Variants in THTPA observed in about 807,000 individuals in gnomAD.
The protein encoded by THTPA is thiamine-triphosphatase.
In THTPA, 16 loss-of-function variants were observed where a neutral mutation model predicts 16.5. That is an observed-to-expected ratio of 0.97 (90% CI 0.66 to 1.47). The LOEUF is 1.47. THTPA is among the 40% of genes most tolerant of loss of function. THTPA has a pLI of 0.00. For synonymous variants in THTPA, 110 were observed against 115.5 expected, an observed-to-expected ratio of 0.95 and a Z score of 0.30; for missense variants, 281 against 280.9, an observed-to-expected ratio of 1.00 and a Z score of 0.00.
the THTPA span, among the ~76,000 whole-genome samples, chr14:23,550,482 T>C: frequency 8.6e-5 from 13 of 151,874 alleles, no homozygotes; most frequent in Non-Finnish European, 1.8e-4. Flanking sequence ...ATCACTCAGA[T>C]GGGAAGGGTC....
At chr14:23,524,891 T>C in the THTPA span, 1 of 1,536,274 alleles carries the variant, frequency 6.5e-7, no homozygotes, top group Non-Finnish European at 8.7e-7. The surrounding 1 kb of genome is among the most constrained non-coding windows in gnomAD (Gnocchi z 5.6). Flanking sequence ...GCGCACCAAC[T>C]CAAAAACACA....
chr14:23,520,672 A>G, the THTPA span, among the ~76,000 whole-genome samples: 3 of 151,928 alleles, frequency 2.0e-5, no homozygotes, highest in Admixed American at 6.5e-5. This position sits in a 1 kb window ranked among gnomAD's most constrained non-coding sequence, Gnocchi z 8.7. Flanking sequence ...CCCACCTTGG[A>G]GGCTGCGCAT....
chr14:23,515,842 G>A, the THTPA span, among the ~76,000 whole-genome samples: 89 of 152,278 alleles, frequency 5.8e-4, no homozygotes, highest in African/African-American at 2.1e-3. Context: ...CCACAGCAGA[G>A]GAGAAAGCAG....
At chr14:23,557,604 G>A (rs73589284) in intron 1 of THTPA, among the ~76,000 whole-genome samples, 4,933 of 152,172 alleles carry the variant, frequency 0.032, 285 homozygotes, top group African/African-American at 0.11. Flanking sequence ...GTGAAATCTC[G>A]TTTTCTCTTT....
At chr14:23,552,280 G>C (rs1046272558), upstream of THTPA, among the ~76,000 whole-genome samples, 4 of 149,972 alleles carry the variant, frequency 2.7e-5, no homozygotes, top group Non-Finnish European at 4.4e-5. Flanking sequence ...CTTATTAAGT[G>C]CTCCTGAATT....
Position 23,560,141 on chromosome 14 carries a change from C to T in THTPA, c.*1301C>T. The T allele has an allele frequency of 1.4e-6, 2 of 1,462,262 alleles. No individual in the cohort carries two copies. Among genetic ancestry groups the T allele is most frequent in the Admixed American group, 1.9e-5 (1 of 53,706 alleles). 90.6% of individuals were successfully genotyped at this position (1,462,262 alleles called of 1,614,324 possible). A position where few individuals can be genotyped will look rare whatever the true frequency, so the allele number is the denominator to read the frequency against. On this transcript the variant is annotated 3_prime_UTR_variant, in exon 2 of 2. Coordinates refer to ENST00000288014, the MANE Select transcript of THTPA (RefSeq NM_024328.6). ...CCCTTTTCCTGTAACTCCCCAAGTGCTGATCTCCAGATGACTCAATCCCAT... is the reference window on the plus strand; with the variant it reads ...CCCTTTTCCTGTAACTCCCCAAGTGTTGATCTCCAGATGACTCAATCCCAT...
chr14:23,548,079 C>G, the THTPA span, among the ~76,000 whole-genome samples: 1 of 152,212 alleles, frequency 6.6e-6, no homozygotes, highest in South Asian at 2.1e-4. Context: ...CCTCTGCATT[C>G]TAGCTTTAGT....
the THTPA span, chr14:23,522,215 C>T: frequency 1.1e-5 from 17 of 1,478,416 alleles, no homozygotes; most frequent in African/African-American, 5.6e-5. Context: ...GATGGGCACC[C>T]GCAATGGGGG....
Position 23,560,100 on chromosome 14 carries a change from A to G in THTPA, c.*1260A>G. 2 of 1,417,646 alleles carry G rather than the reference A, an allele frequency of 1.4e-6. No individual in the cohort carries two copies. The allele number at this position is 1,417,646 out of a possible 1,614,324, so 87.8% of individuals were successfully genotyped here. ...GGTAGGGCTCAGGCAGCCCCTCTAT[A>G]CTCAGTGGCTCCACACCCTTTTCCT... On this transcript the variant is annotated 3_prime_UTR_variant, in exon 2 of 2. Transcript: ENST00000288014.
the THTPA span, chr14:23,535,220 G>T: frequency 6.6e-7 from 1 of 1,526,038 alleles, no homozygotes; most frequent in African/African-American, 1.4e-5. The surrounding 1 kb of genome is among the most constrained non-coding windows in gnomAD (Gnocchi z 4.5). Context: ...TTGGTGACAG[G>T]ATCAGAGGGG....
At chr14:23,534,513 C>G in the THTPA span, 2 of 1,536,188 alleles carry the variant, frequency 1.3e-6, no homozygotes, top group Admixed American at 3.9e-5. This position sits in a 1 kb window ranked among gnomAD's most constrained non-coding sequence, Gnocchi z 4.5. Flanking sequence ...GGCTACCTGA[C>G]AGGCCCTGAT....
the THTPA span, chr14:23,523,376 T>C: frequency 6.7e-7 from 1 of 1,491,430 alleles, no homozygotes; most frequent in Non-Finnish European, 8.9e-7. This position sits in a 1 kb window ranked among gnomAD's most constrained non-coding sequence, Gnocchi z 4.1. Flanking sequence ...GGCCAAGTCG[T>C]AGCACTTGCT....
the THTPA span, chr14:23,531,451 G>A: frequency 2.2e-6 from 3 of 1,373,210 alleles, no homozygotes; most frequent in South Asian, 1.7e-5. Context: ...TCCCTGCCCA[G>A]CTCTTATTCT....
Position 23,556,493 on chromosome 14 carries a change from T to C in THTPA, c.-265T>C. On this transcript the variant is annotated 5_prime_UTR_variant, in exon 1 of 2. Coordinates refer to ENST00000288014, the MANE Select transcript of THTPA (RefSeq NM_024328.6). ...CCCGGCCTGCTTTCTAGGGGTCTCTTTGGATTGAGGACATCAGCAGCAGTG... is the reference window on the plus strand; with the variant it reads ...CCCGGCCTGCTTTCTAGGGGTCTCTCTGGATTGAGGACATCAGCAGCAGTG... 8.5e-6 allele frequency: 4 copies of C among 471,118 alleles called. No homozygotes were observed. The highest frequency in any genetic ancestry group is 5.7e-4 in the Middle Eastern group (1 of 1,740). The allele number at this position is 471,118 out of a possible 1,614,324, so 29.2% of individuals were successfully genotyped here. A position where few individuals can be genotyped will look rare whatever the true frequency, so the allele number is the denominator to read the frequency against.
Position 23,556,618 on chromosome 14 carries a change from G to A in THTPA, c.-140G>A, listed in dbSNP as rs1251485489. On this transcript the variant is annotated 5_prime_UTR_variant, in exon 1 of 2. Transcript: ENST00000288014. ...TAGAGAGAAAAGGGCAGTAGCCCTA[G>A]AGACTATTGCGACACAGTGTGCCCC... 5 of 846,992 alleles carry A rather than the reference G, an allele frequency of 5.9e-6. No individual in the cohort carries two copies. The highest frequency in any genetic ancestry group is 5.3e-5 in the East Asian group (2 of 37,436). The allele number at this position is 846,992 out of a possible 1,614,324, so 52.5% of individuals were successfully genotyped here.
chr14:23,534,746 C>T, the THTPA span: 5 of 1,536,034 alleles, frequency 3.3e-6, no homozygotes, highest in Non-Finnish European at 4.4e-6. This position sits in a 1 kb window ranked among gnomAD's most constrained non-coding sequence, Gnocchi z 4.5. Context: ...GGAGATGGTG[C>T]TGAGGTATCA....
At chr14:23,516,895 T>C in the THTPA span, among the ~76,000 whole-genome samples, 1 of 152,214 alleles carries the variant, frequency 6.6e-6, no homozygotes, top group Non-Finnish European at 1.5e-5. Flanking sequence ...GGGGCAGTGC[T>C]GAGCCCCTGC....
chr14:23,533,210 T>C, the THTPA span: 1 of 1,435,748 alleles, frequency 7.0e-7, no homozygotes, highest in Non-Finnish European at 9.1e-7. This position sits in a 1 kb window ranked among gnomAD's most constrained non-coding sequence, Gnocchi z 4.8. Context: ...AGTGGGGAGT[T>C]GGTCCTTGGG....
the THTPA span, chr14:23,523,660 C>T: frequency 1.3e-6 from 2 of 1,544,472 alleles, no homozygotes; most frequent in East Asian, 4.8e-5. This position sits in a 1 kb window ranked among gnomAD's most constrained non-coding sequence, Gnocchi z 4.1. Flanking sequence ...GCACCTCACA[C>T]TCCTGCATGG....
Sources: gnomAD v4.1 joint callset for allele counts (sites outside exome capture counted in the v4.1 genomes callset) on GRCh38, gnomAD v4.1.1 for gene constraint, Gnocchi (gnomAD v3.1) non-coding constraint, MANE v1.5 for transcripts, NCBI Gene and HGNC (gene_info 2026-07-23, HGNC 2026-07-21) for gene names.